Variants in NUP210L observed in about 807,000 individuals in gnomAD.
The protein encoded by NUP210L is nuclear pore membrane glycoprotein 210-like.
In NUP210L, 74 loss-of-function variants were observed where a neutral mutation model predicts 208.5. That is an observed-to-expected ratio of 0.35 (90% confidence interval 0.29 to 0.43). The LOEUF (loss-of-function observed/expected upper bound fraction) is 0.43. Among genes scored for constraint, NUP210L ranks in the 20% least tolerant of loss-of-function variants. The probability of loss-of-function intolerance (pLI) is 1.00; values close to 1 mark genes in which losing one functional copy is unlikely to be tolerated. For missense variants in NUP210L, 1,843 were observed against 2,289.4 expected (o/e 0.81, Z 3.98); for synonymous variants, 780 against 816.9 (o/e 0.95, Z 0.77).
chr1:154,036,386 T>C (rs61805532), intron 27 of NUP210L, among the ~76,000 whole-genome samples: 3 of 125,968 alleles, frequency 2.4e-5, no homozygotes, highest in Non-Finnish European at 5.2e-5. Context: ...TTTTTTTTTT[T>C]GGAGTTTCAC....
intron 25 of NUP210L, among the ~76,000 whole-genome samples, chr1:154,049,056 A>G (rs1653344928): frequency 6.6e-6 from 1 of 152,198 alleles, no homozygotes; most frequent in Non-Finnish European, 1.5e-5. Flanking sequence ...TCAGGGAAAG[A>G]AATTTAAAGG....
At chr1:154,108,993 G>A (rs905343398) in intron 12 of NUP210L, among the ~76,000 whole-genome samples, 3 of 151,578 alleles carry the variant, frequency 2.0e-5, no homozygotes, top group Non-Finnish European at 2.9e-5. Flanking sequence ...CCAGCTACTC[G>A]GGAGGCTGAG....
chr1:154,008,939 T>G lies in NUP210L; in HGVS notation c.4930+1033A>C, dbSNP rs1265561366. ...ATTTTTTTTTTTTTGAGATGAAGTC[T>G]TGCTCTTTCGCCCAGTCTGGAGTGC... On this transcript the variant is annotated intron_variant, in intron 35 of 39. Transcript: ENST00000368559. Among the ~76,000 whole-genome samples, 5 of 151,910 alleles carry G rather than the reference T, an allele frequency of 3.3e-5. No homozygotes were observed. The East Asian group carries it at 9.7e-4, about 29-fold the overall frequency.
At chr1:154,130,880 C>T (rs1484749554) in intron 7 of NUP210L, among the ~76,000 whole-genome samples, 1 of 151,928 alleles carries the variant, frequency 6.6e-6, no homozygotes, top group African/African-American at 2.4e-5. Flanking sequence ...CCACTGTGCC[C>T]GGCCTAAAGC....
intron 27 of NUP210L, among the ~76,000 whole-genome samples, chr1:154,032,793 C>A (rs1652306818): frequency 6.6e-6 from 1 of 151,720 alleles, no homozygotes; most frequent in African/African-American, 2.4e-5. Context: ...TGGCATGTGC[C>A]TGTAGTCCCA....
chr1:154,061,914 A>T (rs1571226469), intron 17 of NUP210L, among the ~76,000 whole-genome samples: 1 of 151,382 alleles, frequency 6.6e-6, no homozygotes, highest in African/African-American at 2.4e-5. Context: ...GCTTACCACA[A>T]CCTCCCGGGT....
At chr1:154,006,926 CTGTGTG>C (rs796890210) in intron 35 of NUP210L, among the ~76,000 whole-genome samples, 12 of 88,302 alleles carry the variant, frequency 1.4e-4, no homozygotes, top group African/African-American at 3.7e-4. Context: ...ACACATATGT[CTGTGTG>C]TGTGTGTGTG....
At chr1:154,046,139 T>C (rs200229563) in exon 27 of NUP210L, 3 of 1,614,124 alleles carry the variant, frequency 1.9e-6, no homozygotes, top group South Asian at 2.2e-5. Context: ...GAGCCCAGGA[T>C]TAGCATTGCT....
chr1:154,115,033 T>C (rs1657250286), intron 12 of NUP210L, among the ~76,000 whole-genome samples: 1 of 152,210 alleles, frequency 6.6e-6, no homozygotes, highest in African/African-American at 2.4e-5. Context: ...ATTTGGTCCA[T>C]TTCCTGCTAT....
intron 35 of NUP210L, among the ~76,000 whole-genome samples, chr1:154,004,075 GT>G (rs1307562989): frequency 2.1e-5 from 3 of 144,342 alleles, no homozygotes; most frequent in Non-Finnish European, 1.5e-5. Flanking sequence ...CCTGTTTTTT[GT>G]TTTTTTTTTT....
intron 12 of NUP210L, among the ~76,000 whole-genome samples, chr1:154,109,435 A>C (rs1038233500): frequency 6.6e-6 from 1 of 151,688 alleles, no homozygotes; most frequent in Non-Finnish European, 1.5e-5. Flanking sequence ...ACCTCACTAC[A>C]TTAATAGCTG....
chr1:154,037,489 A>G (rs187319181), intron 27 of NUP210L, among the ~76,000 whole-genome samples: 35 of 152,198 alleles, frequency 2.3e-4, no homozygotes, highest in Admixed American at 2.2e-3. Flanking sequence ...TCTAATGTAA[A>G]TATAACCATT....
At chr1:154,054,779 A>G in exon 24 of NUP210L, 1 of 1,612,284 alleles carries the variant, frequency 6.2e-7, no homozygotes, top group Non-Finnish European at 8.5e-7. Context: ...CCTGCATCAT[A>G]TTCATTGGAA....
chr1:154,046,929 G>A (rs1653213013), intron 25 of NUP210L, among the ~76,000 whole-genome samples: 1 of 152,158 alleles, frequency 6.6e-6, no homozygotes. Flanking sequence ...GTGGTGGCAT[G>A]TGCCTGTAGT....
intron 27 of NUP210L, among the ~76,000 whole-genome samples, chr1:154,035,468 G>A (rs1405896879): frequency 2.6e-5 from 4 of 151,014 alleles, no homozygotes; most frequent in Admixed American, 2.0e-4. Flanking sequence ...CGCGATCTTG[G>A]ATCACTGCAA....
At chr1:154,010,427 G>A (rs1182522592) in intron 34 of NUP210L, among the ~76,000 whole-genome samples, 1 of 152,032 alleles carries the variant, frequency 6.6e-6, no homozygotes, top group Non-Finnish European at 1.5e-5. Context: ...AGTCTGGAGT[G>A]CAGTGGTGTG....
At chr1:154,127,894 C>T (rs1658066299) in intron 8 of NUP210L, among the ~76,000 whole-genome samples, 1 of 151,438 alleles carries the variant, frequency 6.6e-6, no homozygotes, top group East Asian at 1.9e-4. Context: ...GAAACAGGGT[C>T]TCACTGTCAC....
chr1:154,140,166 C>A (rs1429822846), intron 4 of NUP210L, among the ~76,000 whole-genome samples: 1 of 150,522 alleles, frequency 6.6e-6, no homozygotes, highest in Non-Finnish European at 1.5e-5. Flanking sequence ...GCCAGGCCAA[C>A]ATGGCAAAAC....
At chr1:154,123,059 A>AG (rs1657697228) in intron 10 of NUP210L, among the ~76,000 whole-genome samples, 1 of 130,786 alleles carries the variant, frequency 7.6e-6, no homozygotes, top group Non-Finnish European at 1.7e-5. Flanking sequence ...TCAAAAAAAA[A>AG]AAAAAAAAAA....
Sources: gnomAD v4.1 joint callset for allele counts (sites outside exome capture counted in the v4.1 genomes callset) on GRCh38, gnomAD v4.1.1 for gene constraint, MANE v1.5 for transcripts, NCBI Gene and HGNC (gene_info 2026-07-23, HGNC 2026-07-21) for gene names.